The following EDC3 variants were observed in gnomAD, a reference collection of about 807,000 sequenced individuals.
EDC3 encodes the protein enhancer of mRNA-decapping protein 3.
Under a neutral mutation model 41.8 loss-of-function variants are expected in EDC3, and 20 were observed. The ratio of observed to expected loss-of-function variants is 0.48; its 90% CI spans 0.34 to 0.70. EDC3 has a LOEUF of 0.70. Ranked by LOEUF, EDC3 falls within the 30% of genes least tolerant of loss-of-function variation. The pLI, the probability that EDC3 is intolerant of heterozygous loss-of-function variation, is 0.01. For synonymous variants in EDC3, 206 were observed against 243.2 expected, an observed-to-expected ratio of 0.85 and a Z score of 1.42; for missense variants, 444 against 636.8, an observed-to-expected ratio of 0.70 and a Z score of 3.26.
intron 1 of EDC3, among the ~76,000 whole-genome samples, chr15:74,686,187 C>A (rs1357862342): frequency 6.6e-6 from 1 of 151,860 alleles, no homozygotes; most frequent in Admixed American, 6.6e-5. Flanking sequence ...TAGCCAAATG[C>A]GGTGGCATGT....
At chr15:74,684,119 T>C (rs1424499341) in intron 1 of EDC3, among the ~76,000 whole-genome samples, 1 of 134,740 alleles carries the variant, frequency 7.4e-6, no homozygotes, top group African/African-American at 2.8e-5. Flanking sequence ...CACTGCAGCC[T>C]CCTGGGCTCC....
intron 4 of EDC3, among the ~76,000 whole-genome samples, chr15:74,650,663 T>C (rs2062470062): frequency 6.6e-6 from 1 of 152,208 alleles, no homozygotes; most frequent in Non-Finnish European, 1.5e-5. Flanking sequence ...ACACAGTGTT[T>C]TGACTGACCC....
At chr15:74,667,440 AGGAGGGAGGG>A (rs1184633583) in intron 3 of EDC3, among the ~76,000 whole-genome samples, 2 of 25,770 alleles carry the variant, frequency 7.8e-5, no homozygotes, top group Non-Finnish European at 1.5e-4. Context: ...AGAAGGGGGG[AGGAGGGAGGG>A]GGAGAGGGAG....
chr15:74,632,304 T>C lies in EDC3; in HGVS notation c.*308A>G, dbSNP rs1188608755. 7.5e-6 allele frequency: 3 copies of C among 400,222 alleles called. No homozygotes were observed. Among genetic ancestry groups the C allele is most frequent in the Admixed American group, 3.9e-5 (1 of 25,598 alleles). 24.8% of individuals were successfully genotyped at this position (400,222 alleles called of 1,614,324 possible). A position where few individuals can be genotyped will look rare whatever the true frequency, so the allele number is the denominator to read the frequency against. ...TGCCCAGGCCCAGTGGCTGTAAACC[T>C]GAAACACAGTCTTGAGAGCTGCCTA... On this transcript the variant is annotated 3_prime_UTR_variant, in exon 7 of 7. Transcript: ENST00000315127. This position sits in a 1 kb window ranked among gnomAD's most constrained non-coding sequence, Gnocchi z 4.0.
intron 5 of EDC3, chr15:74,636,901 A>G (rs76160708): frequency 0.26 from 39,746 of 151,816 alleles, 7,072 homozygotes; most frequent in East Asian, 0.54. Context: ...AACCTCTCCC[A>G]CCCCCAATCA....
At chr15:74,691,270 T>C (rs889038687) in intron 1 of EDC3, among the ~76,000 whole-genome samples, 8 of 152,154 alleles carry the variant, frequency 5.3e-5, no homozygotes, top group African/African-American at 1.9e-4. Context: ...CTGTAGGGAA[T>C]TATGCCAATT....
chr15:74,655,421 T>C (rs1236486064), intron 4 of EDC3, among the ~76,000 whole-genome samples: 9 of 152,030 alleles, frequency 5.9e-5, no homozygotes, highest in Admixed American at 2.0e-4. Flanking sequence ...AAAGTGAAAA[T>C]AGATCTGAAT....
In EDC3 at chr15:74,671,156, A is replaced by G. The variant is rs1022368655; in HGVS notation, c.484+299T>C. On this transcript the variant is annotated intron_variant, in intron 3 of 6. Transcript: ENST00000315127. The surrounding 1 kb of genome is among the most constrained non-coding windows in gnomAD (Gnocchi z 4.6). Reference sequence around the variant, plus strand: ...GCTGGGACTATAGATGCGTGCCACCACGCCCAGTAGTTCCTGGATTTAAAA... The same window carrying G: ...GCTGGGACTATAGATGCGTGCCACCGCGCCCAGTAGTTCCTGGATTTAAAA... Among the ~76,000 whole-genome samples, 5 of 152,048 alleles carry G rather than the reference A, an allele frequency of 3.3e-5. No homozygotes were observed. The highest frequency in any genetic ancestry group is 2.0e-4 in the Admixed American group (3 of 15,268).
At position 74,667,464 on chromosome 15, in the gene EDC3, G is replaced by A. The variant is rs1395167123; in HGVS notation, c.484+3991C>T. Among the ~76,000 whole-genome samples the A allele has an allele frequency of 5.5e-4, 57 of 103,630 alleles. 1 individual carries two copies. The highest frequency in any genetic ancestry group is 2.0e-3 in the African/African-American group (53 of 27,144). The allele number at this position is 103,630 out of a possible 152,430, so 68.0% of individuals were successfully genotyped here. ...GAGGAGGGAGGGGGAGAGGGAGGGG[G>A]TGGAGGGAGGAGGAGGGAGGAGGAG... On this transcript the variant is annotated intron_variant, in intron 3 of 6. Coordinates refer to ENST00000315127, the MANE Select transcript of EDC3 (RefSeq NM_025083.5).
chr15:74,634,993 C>T (rs758383722), intron 6 of EDC3: 13 of 447,794 alleles, frequency 2.9e-5, no homozygotes, highest in Non-Finnish European at 5.8e-5. Context: ...CTCCTACTCT[C>T]CACCCAGTCC....
At chr15:74,637,760 C>G (rs2062291159) in intron 5 of EDC3, 1 of 152,190 alleles carries the variant, frequency 6.6e-6, no homozygotes, top group Admixed American at 6.5e-5. Context: ...TCTGCAATAT[C>G]AGTTTTCTGG....
intron 4 of EDC3, among the ~76,000 whole-genome samples, chr15:74,652,649 T>C (rs971893619): frequency 1.3e-5 from 2 of 151,912 alleles, no homozygotes; most frequent in African/African-American, 4.8e-5. Flanking sequence ...TGGCATGACT[T>C]TGGCTCATTG....
intron 3 of EDC3, among the ~76,000 whole-genome samples, chr15:74,661,183 A>G (rs890101812): frequency 6.6e-6 from 1 of 152,250 alleles, no homozygotes; most frequent in Non-Finnish European, 1.5e-5. Context: ...AGAAAATGGC[A>G]GAACACTTTC....
chr15:74,655,552 C>T (rs980616057), intron 4 of EDC3, among the ~76,000 whole-genome samples, 181 bp downstream of exon 4: 1 of 152,178 alleles, frequency 6.6e-6, no homozygotes, highest in African/African-American at 2.4e-5. Context: ...ATTACCCCTC[C>T]ACCATGGCAG....
intron 1 of EDC3, among the ~76,000 whole-genome samples, chr15:74,685,657 G>A (rs2062928550): frequency 6.6e-6 from 1 of 152,044 alleles, no homozygotes; most frequent in African/African-American, 2.4e-5. Context: ...GTATCCTTGG[G>A]CATACTCTAT....
At position 74,673,664 on chromosome 15, in the gene EDC3, G is replaced by A. The variant is rs556742226; in HGVS notation, c.164+1297C>T. ...ATCCTGGCTAACACGGTGAAACCCC[G>A]TCTCTACTAAAAATATAAAAACAAA... On this transcript the variant is annotated intron_variant, in intron 2 of 6. Coordinates refer to ENST00000315127, the MANE Select transcript of EDC3 (RefSeq NM_025083.5). Among the ~76,000 whole-genome samples the A allele has an allele frequency of 7.9e-5, 12 of 151,950 alleles. No homozygotes were observed. In the East Asian group the frequency reaches 1.7e-3, roughly 22 times the overall value.
At position 74,632,658 on chromosome 15, in the gene EDC3, T is replaced by C. The variant is rs777739733; in HGVS notation, c.1481A>G (p.His494Arg). 1.5e-5 allele frequency: 25 copies of C among 1,613,456 alleles called. No individual in the cohort carries two copies. The highest frequency in any genetic ancestry group is 1.9e-5 in the Non-Finnish European group (23 of 1,179,952). Residue 494 changes from histidine (H) to arginine (R), a missense_variant, in exon 7 of 7, where the codon CAC becomes CGC. His to Arg is a conservative substitution (Grantham distance 29). This residue lies in a region of EDC3 where 242 missense variants were observed against 363.8 expected (regional missense o/e 0.67). Coordinates refer to ENST00000315127, the MANE Select transcript of EDC3 (RefSeq NM_025083.5). This position sits in a 1 kb window ranked among gnomAD's most constrained non-coding sequence, Gnocchi z 4.0. Reference protein sequence around the residue: ...QVFQEVGINYHSPFGCKFVIP... With the variant: ...QVFQEVGINYRSPFGCKFVIP... Reference sequence around the variant, plus strand: ...AACAAACTTGCAGCCAAAGGGCGAGTGGTAGTTGATGCCCACCTCCTGGAA... The same window carrying C: ...AACAAACTTGCAGCCAAAGGGCGAGCGGTAGTTGATGCCCACCTCCTGGAA...
chr15:74,681,658 T>C (rs774439379), intron 1 of EDC3, among the ~76,000 whole-genome samples: 1 of 152,212 alleles, frequency 6.6e-6, no homozygotes. Flanking sequence ...GCAGGCAGCA[T>C]AGTTTTTACA....
chr15:74,684,133 G>A (rs1477103024), intron 1 of EDC3, among the ~76,000 whole-genome samples: 1 of 148,140 alleles, frequency 6.8e-6, no homozygotes, highest in Admixed American at 6.7e-5. Context: ...GGGCTCCTGG[G>A]CTCAGGTGAT....
Sources: gnomAD v4.1 joint callset for allele counts (sites outside exome capture counted in the v4.1 genomes callset) on GRCh38, gnomAD v4.1.1 for gene constraint, gnomAD v4.1.1 regional missense constraint, Gnocchi (gnomAD v3.1) non-coding constraint, MANE v1.5 for transcripts, NCBI Gene and HGNC (gene_info 2026-07-23, HGNC 2026-07-21) for gene names.